Variants in PIK3CB observed in about 807,000 individuals in gnomAD.
The protein encoded by PIK3CB is phosphatidylinositol 4,5-bisphosphate 3-kinase catalytic subunit beta isoform.
A neutral mutation model predicts 136.8 loss-of-function variants in PIK3CB; 39 were observed. That is an observed-to-expected ratio of 0.29 (90% confidence interval 0.22 to 0.37). PIK3CB has a LOEUF of 0.37. PIK3CB is among the 10% of genes least tolerant of loss of function. PIK3CB has a pLI of 1.00. For missense variants in PIK3CB, 868 were observed against 1,275.4 expected (o/e 0.68, Z 4.87); for synonymous variants, 428 against 436.6 (o/e 0.98, Z 0.25).
At position 138,725,281 on chromosome 3, in the gene PIK3CB, G is replaced by A. The variant is rs1463569232; in HGVS notation, c.1050+8080C>T. ...CTGAGACCTATATAACTAGGCTATG[G>A]GGAATTATGATGTATGACTAATACG... is the stretch of plus-strand genomic sequence containing the variant. On this transcript the variant is annotated intron_variant, in intron 8 of 23. Transcript: ENST00000674063. Among the ~76,000 whole-genome samples the A allele has an allele frequency of 2.0e-5, 3 of 152,076 alleles. No individual in the cohort carries two copies. The East Asian group carries it at 5.8e-4, about 29-fold the overall frequency.
At chr3:138,743,533 A>T (rs1456480617) in intron 4 of PIK3CB, among the ~76,000 whole-genome samples, 2 of 152,122 alleles carry the variant, frequency 1.3e-5, no homozygotes, top group African/African-American at 4.8e-5. Context: ...CCCCCTACAG[A>T]GGAGAAAATT....
intron 1 of PIK3CB, among the ~76,000 whole-genome samples, chr3:138,823,366 A>G (rs1933644246): frequency 6.6e-6 from 1 of 152,094 alleles, no homozygotes; most frequent in Non-Finnish European, 1.5e-5. Context: ...TATAACTATG[A>G]ACACGTAACT....
intron 8 of PIK3CB, among the ~76,000 whole-genome samples, chr3:138,724,232 C>G (rs1420158119): frequency 6.6e-6 from 1 of 152,090 alleles, no homozygotes; most frequent in African/African-American, 2.4e-5. Flanking sequence ...TAACGGCTCA[C>G]AAAACTCAGG....
chr3:138,698,146 C>G (rs2044176602), intron 13 of PIK3CB, among the ~76,000 whole-genome samples: 2 of 152,124 alleles, frequency 1.3e-5, no homozygotes, highest in South Asian at 4.1e-4. Flanking sequence ...TAAGATAAAT[C>G]TGTATTTCTT....
chr3:138,661,856 A>G (rs2043301530), intron 21 of PIK3CB, among the ~76,000 whole-genome samples: 1 of 152,168 alleles, frequency 6.6e-6, no homozygotes, highest in South Asian at 2.1e-4. Context: ...CTAAACTGAA[A>G]AATTATCTAA....
intron 8 of PIK3CB, among the ~76,000 whole-genome samples, chr3:138,724,537 T>C (rs2044797216): frequency 6.6e-6 from 1 of 152,166 alleles, no homozygotes. Context: ...ACTCCAGAAG[T>C]CCCGGTGTGG....
At chr3:138,707,353 G>T in intron 10 of PIK3CB, 64 bp from the exon 11 acceptor site, 1 of 1,523,746 alleles carries the variant, frequency 6.6e-7, no homozygotes, top group Non-Finnish European at 8.8e-7. Context: ...TAAAAAAGCT[G>T]TAATGGATCT....
chr3:138,709,318 G>A (rs2044445831), intron 10 of PIK3CB, among the ~76,000 whole-genome samples: 1 of 104,578 alleles, frequency 9.6e-6, no homozygotes, highest in Non-Finnish European at 2.1e-5. Flanking sequence ...TAACAGTCCA[G>A]GCATGGGGGG....
rs3729699 is a variant in PIK3CB at position 138,737,884 on chromosome 3, G to A, written c.624C>T (p.Asp208=). 7.0e-3 allele frequency: 11,023 copies of A among 1,579,746 alleles called. 692 individuals carry two copies. In the African/African-American group the frequency reaches 0.13, roughly 19 times the overall value. The change falls in exon 6 of 24, where the codon GAC becomes GAT. Residue 208 remains aspartate (D), a splice_region_variant and synonymous_variant. Coordinates refer to ENST00000674063, the MANE Select transcript of PIK3CB (RefSeq NM_006219.3). ...IVAVHFENCQ[D]VFSFQVSPNM... ...TAGGAGACACTTGAAAGCTAAACAC[G>A]TCCTGAAGGGGGAGGGAGATGGGGA... is the stretch of plus-strand genomic sequence containing the variant.
intron 2 of PIK3CB, among the ~76,000 whole-genome samples, chr3:138,793,697 G>A (rs1406736298): frequency 1.3e-5 from 2 of 151,734 alleles, no homozygotes; most frequent in Admixed American, 6.6e-5. Flanking sequence ...ACAATAAGGT[G>A]GATGAGGACC....
intron 8 of PIK3CB, among the ~76,000 whole-genome samples, chr3:138,730,098 A>C (rs1210401072): frequency 2.0e-5 from 3 of 152,172 alleles, no homozygotes; most frequent in Non-Finnish European, 1.5e-5. Context: ...CTCAAATTCA[A>C]CTATATAATC....
rs2045799880 is a variant in PIK3CB at position 138,771,528 on chromosome 3, C to A, written c.-16-12169G>T. Among the ~76,000 whole-genome samples the A allele has an allele frequency of 2.0e-5, 3 of 152,114 alleles. No homozygotes were observed. The South Asian group carries it at 6.2e-4, about 31-fold the overall frequency. ...CCACCCGCGCCCGGCCCTAGAACTTCATTTTCTAAAGGTGATTATTTATTC... is the reference window on the plus strand; with the variant it reads ...CCACCCGCGCCCGGCCCTAGAACTTAATTTTCTAAAGGTGATTATTTATTC... On this transcript the variant is annotated intron_variant, in intron 2 of 23. Coordinates refer to ENST00000674063, the MANE Select transcript of PIK3CB (RefSeq NM_006219.3).
In PIK3CB at chr3:138,769,115, C is replaced by T. The variant is rs145545619; in HGVS notation, c.-16-9756G>A. On this transcript the variant is annotated intron_variant, in intron 2 of 23. Transcript: ENST00000674063. Reference sequence around the variant, plus strand: ...ACCCACTAACTTGGAAGGGATGTGGCCCCATTTGTTCCCCAGCTCCCGCCA... The same window carrying T: ...ACCCACTAACTTGGAAGGGATGTGGTCCCATTTGTTCCCCAGCTCCCGCCA... 1.3e-4 allele frequency among the ~76,000 whole-genome samples: 20 copies of T among 152,234 alleles called. No individual in the cohort carries two copies. In the East Asian group the frequency reaches 3.9e-3, roughly 29 times the overall value.
chr3:138,757,676 A>AAGAGGGAGGGAGGGAGGAAG (rs1559865714), intron 3 of PIK3CB, among the ~76,000 whole-genome samples: 1 of 128,650 alleles, frequency 7.8e-6, no homozygotes, highest in Non-Finnish European at 1.6e-5. Flanking sequence ...GAGGTAGGAA[A>AAGAGGGAGGGAGGGAGGAAG]AGAGGGAGGG....
At chr3:138,712,177 T>C (rs1218853937) in intron 10 of PIK3CB, 31 bp downstream of exon 10, 1 of 1,120,270 alleles carries the variant, frequency 8.9e-7, no homozygotes, top group Non-Finnish European at 1.3e-6. Flanking sequence ...TAGTTATGCT[T>C]TAACACTAAG....
chr3:138,798,093 A>T (rs1213992196), intron 1 of PIK3CB, among the ~76,000 whole-genome samples: 1 of 152,190 alleles, frequency 6.6e-6, no homozygotes, highest in African/African-American at 2.4e-5. Context: ...ATAATATGCT[A>T]CCTTTGAGAT....
chr3:138,776,922 C>CAAAA (rs11435742), intron 2 of PIK3CB, among the ~76,000 whole-genome samples: 43 of 57,186 alleles, frequency 7.5e-4, no homozygotes, highest in African/African-American at 1.5e-3. Flanking sequence ...GACTCTACCT[C>CAAAA]AAAAAAAAAA....
At chr3:138,664,754 A>C (rs1402937865) in intron 20 of PIK3CB, among the ~76,000 whole-genome samples, 1 of 152,218 alleles carries the variant, frequency 6.6e-6, no homozygotes, top group Non-Finnish European at 1.5e-5. Flanking sequence ...AAGCTGATGC[A>C]CTTGAACAAA....
At chr3:138,805,955 C>G (rs1017814719) in intron 1 of PIK3CB, among the ~76,000 whole-genome samples, 2 of 151,568 alleles carry the variant, frequency 1.3e-5, no homozygotes, top group Non-Finnish European at 2.9e-5. Flanking sequence ...GTCTCAATCT[C>G]CTGACTTCGT....
Sources: gnomAD v4.1 joint callset for allele counts (sites outside exome capture counted in the v4.1 genomes callset) on GRCh38, gnomAD v4.1.1 for gene constraint, MANE v1.5 for transcripts, NCBI Gene and HGNC (gene_info 2026-07-23, HGNC 2026-07-21) for gene names.